The following CAAP1 variants were observed in gnomAD, a reference collection of about 807,000 sequenced individuals.
CAAP1 encodes conserved anti-apoptotic protein.
A neutral mutation model predicts 34.0 loss-of-function variants in CAAP1; 20 were observed. The ratio of observed to expected loss-of-function variants is 0.59; its 90% CI spans 0.41 to 0.86. CAAP1 has a LOEUF of 0.86. Among genes scored for constraint, CAAP1 ranks in the 40% least tolerant of loss-of-function variants. CAAP1 has a pLI of 0.00. For synonymous variants in CAAP1, 213 were observed against 166.7 expected (o/e 1.28, Z -2.14); for missense variants, 538 against 450.5 (o/e 1.19, Z -1.76).
intron 4 of CAAP1, among the ~76,000 whole-genome samples, chr9:26,867,643 A>C (rs1260123793): frequency 1.3e-5 from 2 of 152,178 alleles, no homozygotes; most frequent in Non-Finnish European, 2.9e-5. Context: ...TTAGAAATCA[A>C]CATATTTTCA....
rs181801164 is a variant in CAAP1 at position 26,861,300 on chromosome 9, A to G, written c.666-161T>C. Among the ~76,000 whole-genome samples the G allele has an allele frequency of 6.7e-4, 102 of 152,356 alleles. 1 individual carries two copies. Among genetic ancestry groups the G allele is most frequent in the African/African-American group, 2.3e-3 (96 of 41,582 alleles). On this transcript the variant is annotated intron_variant, in intron 4 of 5. Transcript: ENST00000333916. ...GTACTCTGGAAGCTCAGAAACAAGT[A>G]TTCAAGTGTCAGAAGCAGCAGCTAC...
chr9:26,890,391 G>A (rs1050207577), intron 1 of CAAP1, among the ~76,000 whole-genome samples: 14 of 150,954 alleles, frequency 9.3e-5, no homozygotes, highest in African/African-American at 3.4e-4. Flanking sequence ...AAAAAAAAAG[G>A]AAACTATTTA....
At position 26,887,338 on chromosome 9, in the gene CAAP1, T is replaced by C. The variant is rs757728767; in HGVS notation, c.479A>G (p.Gln160Arg). The C allele has an allele frequency of 7.5e-6, 12 of 1,604,514 alleles. No homozygotes were observed. Among genetic ancestry groups the C allele is most frequent in the Non-Finnish European group, 1.0e-5 (12 of 1,174,650 alleles). Residue 160 changes from glutamine to arginine, a missense_variant, in exon 2 of 6, where the codon CAG (glutamine) becomes CGG (arginine). Physicochemically the swap from Gln to Arg is conservative, Grantham distance 43. Transcript: ENST00000333916. ...CTTTAACACATCAGGAAGCATCTTC[T>C]GTAACTTTTTCTCTCCTATAATACA... ...CFCIIGEKKLQKMLPDVLKNC... is the reference protein window; with the variant it reads ...CFCIIGEKKLRKMLPDVLKNC...
intron 4 of CAAP1, among the ~76,000 whole-genome samples, chr9:26,861,665 C>T (rs1297331358): frequency 6.6e-6 from 1 of 152,208 alleles, no homozygotes; most frequent in East Asian, 1.9e-4. Context: ...TCACTATGTT[C>T]TGGAATACAG....
At position 26,842,414 on chromosome 9, in the gene CAAP1, G is replaced by A. The variant is rs150480255; in HGVS notation, c.973C>T (p.Pro325Ser). 1.4e-5 allele frequency: 22 copies of A among 1,614,010 alleles called. 1 individual carries two copies. Among genetic ancestry groups the A allele is most frequent in the South Asian group, 9.9e-5 (9 of 91,078 alleles). The change falls in exon 6 of 6, where the codon CCA (proline) becomes TCA (serine). Residue 325 changes from proline (P) to serine (S), a missense_variant. This residue lies in a region of CAAP1 where 514 missense variants were observed against 408.4 expected (regional missense o/e 1.26). Transcript: ENST00000333916. ...GCAGAAGGTTGAACATCTTCTGGTG[G>A]AGGAACAGCCAGGGTGGCTGCTTTG... ...EPKAATLAVP[P>S]PEDVQPSAQQ... is the part of the protein sequence containing the mutation.
intron 3 of CAAP1, 30 bp from the exon 4 acceptor site, chr9:26,884,915 C>A: frequency 6.8e-7 from 1 of 1,467,774 alleles, no homozygotes; most frequent in South Asian, 1.2e-5. Flanking sequence ...ATTGAAAGCA[C>A]ACTTATAAAA....
At chr9:26,844,803 T>C (rs189478005) in intron 5 of CAAP1, among the ~76,000 whole-genome samples, 1 of 152,202 alleles carries the variant, frequency 6.6e-6, no homozygotes, top group Non-Finnish European at 1.5e-5. Context: ...TTGTAATGCT[T>C]TTGTCTGTAA....
At chr9:26,874,217 A>C (rs1203902496) in intron 4 of CAAP1, among the ~76,000 whole-genome samples, 1 of 151,420 alleles carries the variant, frequency 6.6e-6, no homozygotes, top group African/African-American at 2.4e-5. Context: ...AAAAAAAAAA[A>C]AAAAAAAAAA....
At position 26,884,826 on chromosome 9, in the gene CAAP1, A is replaced by G; in HGVS notation, c.649T>C (p.Ser217Pro). ...TAAACTTACTGACTGACTAAATCAG[A>G]TCCCATCTTAGAACCATCATCTGCT... ...EEADDGSKMG[S>P]DLVSQQDICI... is the part of the protein sequence containing the mutation. Residue 217 changes from serine (S) to proline (P), a missense_variant, in exon 4 of 6, where the codon TCT (serine) becomes CCT (proline). Ser to Pro is a moderately conservative substitution (Grantham distance 74, BLOSUM62 -1). Transcript: ENST00000333916. The G allele has an allele frequency of 6.2e-7, 1 of 1,608,730 alleles. No individual in the cohort carries two copies.
Position 26,887,339 on chromosome 9 carries a change from G to T in CAAP1, c.478C>A (p.Gln160Lys), listed in dbSNP as rs1320629972. The stretch of plus-strand genomic sequence containing the variant: ...TTTAACACATCAGGAAGCATCTTCT[G>T]TAACTTTTTCTCTCCTATAATACAG... Reference protein sequence around the residue: ...CFCIIGEKKLQKMLPDVLKNC... With the variant: ...CFCIIGEKKLKKMLPDVLKNC... Residue 160 changes from glutamine (Q) to lysine (K), a missense_variant, in exon 2 of 6, where the codon CAG becomes AAG. Around this residue, in one of 3 missense-constraint regions of CAAP1, gnomAD observed 514 missense variants for 408.4 expected, o/e 1.26. Coordinates refer to ENST00000333916, the MANE Select transcript of CAAP1 (RefSeq NM_024828.4). 6.2e-7 allele frequency: 1 copy of T among 1,604,486 alleles called. No homozygotes were observed. Among genetic ancestry groups the T allele is most frequent in the East Asian group, 2.2e-5 (1 of 44,826 alleles).
chr9:26,873,634 GA>G (rs1358278602), intron 4 of CAAP1, among the ~76,000 whole-genome samples: 1 of 152,038 alleles, frequency 6.6e-6, no homozygotes, highest in Non-Finnish European at 1.5e-5. Context: ...ATTTTAACTG[GA>G]ATAAAGCTTT....
intron 2 of CAAP1, 56 bp downstream of exon 2, chr9:26,887,257 C>A: frequency 8.7e-7 from 1 of 1,150,038 alleles, no homozygotes; most frequent in Non-Finnish European, 1.2e-6. Flanking sequence ...CAAAAAATTG[C>A]TACAAAGAAG....
chr9:26,881,664 A>C (rs1433187075), intron 4 of CAAP1, among the ~76,000 whole-genome samples: 2 of 152,180 alleles, frequency 1.3e-5, no homozygotes, highest in African/African-American at 2.4e-5. Flanking sequence ...CTCTATTAGC[A>C]GTGTGAAAAC....
intron 5 of CAAP1, among the ~76,000 whole-genome samples, chr9:26,852,442 G>A (rs567345665): frequency 2.0e-5 from 3 of 151,946 alleles, no homozygotes; most frequent in African/African-American, 7.2e-5. Flanking sequence ...GTGACAGAGA[G>A]AGGCTCTGTC....
chr9:26,866,285 G>T (rs1228480756), intron 4 of CAAP1, among the ~76,000 whole-genome samples: 2 of 152,278 alleles, frequency 1.3e-5, no homozygotes, highest in African/African-American at 4.8e-5. Context: ...CAAAGAAAAA[G>T]ACATTATTAT....
At position 26,867,647 on chromosome 9, in the gene CAAP1, AT is replaced by A. The variant is rs557764886; in HGVS notation, c.666-6509del. Reference sequence around the variant, plus strand: ...TTCTGTCATCATTAGAAATCAACATATTTTCACATAATATAGTTGTTGCACA... The same window carrying A: ...TTCTGTCATCATTAGAAATCAACATATTTCACATAATATAGTTGTTGCACA... On this transcript the variant is annotated intron_variant, in intron 4 of 5. Coordinates refer to ENST00000333916, the MANE Select transcript of CAAP1 (RefSeq NM_024828.4). 5.9e-4 allele frequency among the ~76,000 whole-genome samples: 90 copies of A among 152,112 alleles called. 1 individual carries two copies. Among genetic ancestry groups the A allele is most frequent in the Non-Finnish European group, 1.0e-3 (68 of 68,024 alleles).
intron 4 of CAAP1, among the ~76,000 whole-genome samples, chr9:26,878,914 A>G (rs188061591): frequency 4.6e-5 from 7 of 152,330 alleles, no homozygotes; most frequent in Non-Finnish European, 7.3e-5. Context: ...TATCTTTGCC[A>G]AGATTCCCAA....
intron 5 of CAAP1, among the ~76,000 whole-genome samples, chr9:26,860,079 G>T (rs1587100102): frequency 6.6e-6 from 1 of 152,262 alleles, no homozygotes; most frequent in Non-Finnish European, 1.5e-5. Flanking sequence ...AGCCATCAAA[G>T]ATTAGGTGAT....
chr9:26,881,495 G>T (rs192212202), intron 4 of CAAP1, among the ~76,000 whole-genome samples: 30 of 152,260 alleles, frequency 2.0e-4, no homozygotes, highest in Non-Finnish European at 4.4e-4. Context: ...GTTTTATAAG[G>T]GGAAACCCCT....
Sources: allele counts gnomAD v4.1 joint callset (sites outside exome capture counted in the v4.1 genomes callset), GRCh38; gene constraint gnomAD v4.1.1; regional missense constraint gnomAD v4.1.1; transcripts MANE v1.5; gene names NCBI Gene and HGNC (gene_info 2026-07-23, HGNC 2026-07-21).